Variants in CHCHD6 observed in about 807,000 individuals in gnomAD.
The protein encoded by CHCHD6 is coiled-coil-helix-coiled-coil-helix domain containing 6.
In CHCHD6, 28 loss-of-function variants were observed where a neutral mutation model predicts 32.3. The ratio of observed to expected loss-of-function variants is 0.87; its 90% CI spans 0.64 to 1.19. The LOEUF (loss-of-function observed/expected upper bound fraction) is 1.19, where lower values mean the gene tolerates loss of function less well. CHCHD6 is among the 50% of genes most tolerant of loss of function. The probability of loss-of-function intolerance (pLI) is 0.00; values close to 1 mark genes in which losing one functional copy is unlikely to be tolerated. For synonymous variants in CHCHD6, 122 were observed against 117.5 expected (o/e 1.04, Z -0.25); for missense variants, 333 against 307.0 (o/e 1.08, Z -0.63).
At chr3:126,941,889 A>G (rs1355310050) in intron 6 of CHCHD6, among the ~76,000 whole-genome samples, 1 of 152,142 alleles carries the variant, frequency 6.6e-6, no homozygotes, top group Non-Finnish European at 1.5e-5. Flanking sequence ...CACTGACTCA[A>G]CAGGACTGTC....
intron 4 of CHCHD6, among the ~76,000 whole-genome samples, chr3:126,835,249 G>T (rs1940807371): frequency 1.3e-5 from 2 of 152,166 alleles, no homozygotes; most frequent in Admixed American, 6.5e-5. Context: ...GGTGCCAACA[G>T]CAGAGGCAGG....
At chr3:126,960,076 A>G (rs1483745596) in intron 7 of CHCHD6, 120 bp from the exon 8 acceptor site, 36 of 1,183,802 alleles carry the variant, frequency 3.0e-5, no homozygotes, top group Middle Eastern at 3.9e-4. Flanking sequence ...CCAGGTGAGG[A>G]GGGAGACCAA....
intron 4 of CHCHD6, among the ~76,000 whole-genome samples, chr3:126,741,466 G>A (rs766175774): frequency 1.3e-5 from 2 of 152,086 alleles, no homozygotes; most frequent in Non-Finnish European, 2.9e-5. Flanking sequence ...TTGATGGCCA[G>A]ATGCCATGGA....
chr3:126,854,705 T>G (rs1348386663), intron 5 of CHCHD6, among the ~76,000 whole-genome samples: 3 of 152,142 alleles, frequency 2.0e-5, no homozygotes, highest in Admixed American at 6.5e-5. Context: ...TCCCCCTATT[T>G]CCTTTAAGTT....
At chr3:126,760,347 A>T (rs1208373186) in intron 4 of CHCHD6, among the ~76,000 whole-genome samples, 2 of 152,192 alleles carry the variant, frequency 1.3e-5, no homozygotes, top group Admixed American at 1.3e-4. Context: ...AATATATATA[A>T]AATAAAATTT....
At chr3:126,861,628 TCCTCCTCTACTACCATCACCA>T (rs1941875114) in intron 5 of CHCHD6, among the ~76,000 whole-genome samples, 1 of 131,590 alleles carries the variant, frequency 7.6e-6, no homozygotes, top group African/African-American at 2.9e-5. Context: ...CACCATCACC[TCCTCCTCTACTACCATCACCA>T]CCTCCCCCTC....
chr3:126,777,955 C>A (rs182513826), intron 4 of CHCHD6, among the ~76,000 whole-genome samples: 1 of 152,208 alleles, frequency 6.6e-6, no homozygotes, highest in African/African-American at 2.4e-5. Flanking sequence ...TAGTCCCAGG[C>A]AACATCTAAT....
chr3:126,711,869 CA>C (rs1422786354), intron 1 of CHCHD6, among the ~76,000 whole-genome samples: 3 of 152,222 alleles, frequency 2.0e-5, no homozygotes, highest in African/African-American at 7.2e-5. Context: ...CTTCTGATTT[CA>C]AGTCCAACAA....
At chr3:126,935,226 G>A (rs559987447) in intron 6 of CHCHD6, 200 of 840,430 alleles carry the variant, frequency 2.4e-4, no homozygotes, top group Admixed American at 5.6e-4. Flanking sequence ...ATGAGGCAGA[G>A]GGCTCAGTGT....
At chr3:126,874,192 T>TC (rs1273137120) in intron 5 of CHCHD6, among the ~76,000 whole-genome samples, 1 of 152,230 alleles carries the variant, frequency 6.6e-6, no homozygotes, top group East Asian at 1.9e-4. Context: ...CTCCTCTGTG[T>TC]GCCTTACCAC....
At chr3:126,783,606 T>C (rs192660441) in intron 4 of CHCHD6, among the ~76,000 whole-genome samples, 25 of 152,396 alleles carry the variant, frequency 1.6e-4, no homozygotes, top group Non-Finnish European at 3.1e-4. Context: ...AATATCAACA[T>C]AGAAATATCA....
chr3:126,862,372 A>T (rs1461093421), intron 5 of CHCHD6, among the ~76,000 whole-genome samples: 4 of 106,968 alleles, frequency 3.7e-5, no homozygotes, highest in African/African-American at 8.0e-5. Flanking sequence ...CTCCTCCACC[A>T]CCATCACCAC....
In CHCHD6 at chr3:126,954,414, G is replaced by A. The variant is rs146372105; in HGVS notation, c.567-3002G>A. ...CATCGCCATTCTGCAAAGTGTCGGC[G>A]TCTCTGTTGTGCCTCTGTAGAGGGC... On this transcript the variant is annotated intron_variant, in intron 6 of 7. Transcript: ENST00000290913. 1.2e-4 allele frequency among the ~76,000 whole-genome samples: 18 copies of A among 152,328 alleles called. No individual in the cohort carries two copies. In the East Asian group the frequency reaches 1.7e-3, roughly 15 times the overall value.
At chr3:126,762,428 A>G (rs962646348) in intron 4 of CHCHD6, among the ~76,000 whole-genome samples, 5 of 152,070 alleles carry the variant, frequency 3.3e-5, no homozygotes, top group Admixed American at 6.5e-5. Flanking sequence ...GATTTCCACA[A>G]TATTTGTGAA....
At chr3:126,751,633 T>C (rs1351959038) in intron 4 of CHCHD6, among the ~76,000 whole-genome samples, 1 of 152,100 alleles carries the variant, frequency 6.6e-6, no homozygotes, top group African/African-American at 2.4e-5. Flanking sequence ...TTTAGGGTTT[T>C]AGAGTGTGAG....
At chr3:126,960,068 A>T in intron 7 of CHCHD6, 128 bp from the exon 8 acceptor site, 2 of 1,063,626 alleles carry the variant, frequency 1.9e-6, no homozygotes, top group South Asian at 2.8e-5. Flanking sequence ...ATGGGTCTCC[A>T]GGTGAGGAGG....
chr3:126,855,710 A>T (rs1324277941), intron 5 of CHCHD6, among the ~76,000 whole-genome samples: 2 of 152,154 alleles, frequency 1.3e-5, no homozygotes, highest in Non-Finnish European at 2.9e-5. Context: ...CACATCTGAC[A>T]GTGTCACAGA....
chr3:126,732,957 C>A, intron 3 of CHCHD6, 121 bp from the exon 4 acceptor site: 1 of 1,102,654 alleles, frequency 9.1e-7, no homozygotes, highest in Non-Finnish European at 1.3e-6. Context: ...CTTTCCTGAC[C>A]AGCCGCTGGC....
intron 5 of CHCHD6, among the ~76,000 whole-genome samples, chr3:126,876,157 A>G (rs1441811843): frequency 6.6e-6 from 1 of 152,252 alleles, no homozygotes; most frequent in Non-Finnish European, 1.5e-5. Flanking sequence ...GTAGCTGCTC[A>G]AGAAATGTTC....
Sources: gnomAD v4.1 joint callset for allele counts (sites outside exome capture counted in the v4.1 genomes callset) on GRCh38, gnomAD v4.1.1 for gene constraint, MANE v1.5 for transcripts, NCBI Gene and HGNC (gene_info 2026-07-23, HGNC 2026-07-21) for gene names.